ROBO1: variants seen among roughly 807,000 people sequenced by gnomAD.
The protein encoded by ROBO1 is roundabout homolog 1.
In ROBO1, 149 loss-of-function variants were observed where a neutral mutation model predicts 195.9. The ratio of observed to expected loss-of-function variants is 0.76; its 90% CI spans 0.67 to 0.87. The LOEUF (loss-of-function observed/expected upper bound fraction) is 0.87. Ranked by LOEUF, ROBO1 falls within the 40% of genes least tolerant of loss-of-function variation. The pLI is 0.00. For missense variants in ROBO1, 1,933 were observed against 2,068.3 expected (o/e 0.93, Z 1.27); for synonymous variants, 816 against 733.2 (o/e 1.11, Z -1.82).
intron 1 of ROBO1, among the ~76,000 whole-genome samples, chr3:79,665,105 G>A (rs1017158700): frequency 1.1e-4 from 16 of 151,466 alleles, no homozygotes; most frequent in Admixed American, 3.3e-4. Context: ...AAATATTTGC[G>A]GAAAATATTT....
intron 2 of ROBO1, among the ~76,000 whole-genome samples, chr3:79,152,203 T>C (rs1470858518): frequency 6.6e-6 from 1 of 151,872 alleles, no homozygotes; most frequent in Non-Finnish European, 1.5e-5. Context: ...AATAAGCAAG[T>C]AGCACAAATA....
Position 79,042,040 on chromosome 3 carries a change from T to G in ROBO1, c.172+83416A>C, listed in dbSNP as rs73848825. 5.6e-3 allele frequency among the ~76,000 whole-genome samples: 847 copies of G among 152,276 alleles called. 8 individuals are homozygous for G. Among genetic ancestry groups the G allele is most frequent in the African/African-American group, 0.02 (813 of 41,554 alleles). The stretch of plus-strand genomic sequence containing the variant: ...AGGCAACATTCAGAGCACTGAGATC[T>G]TGGAACACTTTGGATTCACCTTATA... On this transcript the variant is annotated intron_variant, in intron 3 of 30. Coordinates refer to ENST00000464233, the MANE Select transcript of ROBO1 (RefSeq NM_002941.4).
At chr3:79,278,742 G>C (rs1391902127) in intron 2 of ROBO1, among the ~76,000 whole-genome samples, 1 of 152,030 alleles carries the variant, frequency 6.6e-6, no homozygotes, top group Non-Finnish European at 1.5e-5. Flanking sequence ...AACTGCAGAA[G>C]AAAACATACG....
At chr3:79,431,557 A>T (rs2038680102) in intron 2 of ROBO1, among the ~76,000 whole-genome samples, 1 of 152,186 alleles carries the variant, frequency 6.6e-6, no homozygotes, top group African/African-American at 2.4e-5. Flanking sequence ...GGTGGAAATT[A>T]GACAGATTCA....
intron 3 of ROBO1, among the ~76,000 whole-genome samples, chr3:78,951,352 C>A (rs1010128936): frequency 3.9e-5 from 6 of 152,152 alleles, no homozygotes; most frequent in Admixed American, 3.9e-4. Context: ...TTCATAAATT[C>A]CACATTCCTA....
chr3:79,344,767 C>T (rs2109239205), intron 2 of ROBO1, among the ~76,000 whole-genome samples: 1 of 152,206 alleles, frequency 6.6e-6, no homozygotes, highest in South Asian at 2.1e-4. Flanking sequence ...CATGTCCCCA[C>T]TTAAATCTCA....
intron 2 of ROBO1, among the ~76,000 whole-genome samples, chr3:79,541,969 A>G (rs1203186248): frequency 6.6e-6 from 1 of 151,610 alleles, no homozygotes; most frequent in African/African-American, 2.4e-5. Flanking sequence ...AACCAAAACG[A>G]TGATTTTCAG....
At chr3:79,563,711 C>T (rs1271206304) in intron 2 of ROBO1, among the ~76,000 whole-genome samples, 4 of 151,990 alleles carry the variant, frequency 2.6e-5, no homozygotes, top group South Asian at 2.1e-4. Context: ...GTATCTTTCA[C>T]AGTACATCAG....
chr3:79,431,824 C>G (rs986719317), intron 2 of ROBO1, among the ~76,000 whole-genome samples: 3 of 152,010 alleles, frequency 2.0e-5, no homozygotes, highest in African/African-American at 2.4e-5. Flanking sequence ...TGTCTGAATC[C>G]TTTATAAATG....
intron 1 of ROBO1, among the ~76,000 whole-genome samples, chr3:79,722,742 C>T (rs1195453047): frequency 6.6e-6 from 1 of 152,114 alleles, no homozygotes; most frequent in East Asian, 1.9e-4. Context: ...ATTTGTATCT[C>T]CACTGTCATT....
At chr3:79,257,990 T>C (rs2082869916) in intron 2 of ROBO1, among the ~76,000 whole-genome samples, 1 of 152,124 alleles carries the variant, frequency 6.6e-6, no homozygotes, top group Non-Finnish European at 1.5e-5. Flanking sequence ...TCCAGTCTGA[T>C]ACTAGATGGT....
intron 3 of ROBO1, among the ~76,000 whole-genome samples, chr3:79,082,223 T>C (rs1006473351): frequency 3.3e-5 from 5 of 152,168 alleles, no homozygotes; most frequent in Admixed American, 2.0e-4. Context: ...TCTAACTGTA[T>C]AAACAGCAAT....
At chr3:78,940,991 ATAAC>A (rs141491968) in intron 3 of ROBO1, among the ~76,000 whole-genome samples, 1,900 of 152,342 alleles carry the variant, frequency 0.012, 10 homozygotes, top group Admixed American at 0.019. Context: ...TTTCAAAGTT[ATAAC>A]TAATACGTAT....
At chr3:78,660,249 A>G (rs1707312020) in intron 16 of ROBO1, 1 of 155,118 alleles carries the variant, frequency 6.4e-6, no homozygotes, top group East Asian at 1.9e-4. Context: ...TATCTCATCC[A>G]AGTCTGAATA....
At chr3:78,892,046 G>C (rs2036930452) in intron 4 of ROBO1, among the ~76,000 whole-genome samples, 1 of 152,152 alleles carries the variant, frequency 6.6e-6, no homozygotes, top group African/African-American at 2.4e-5. Context: ...CATTGGATTA[G>C]ATACTCCATT....
intron 2 of ROBO1, among the ~76,000 whole-genome samples, chr3:79,347,888 T>C (rs925360290): frequency 1.3e-5 from 2 of 152,174 alleles, no homozygotes; most frequent in Non-Finnish European, 2.9e-5. Context: ...TGAGCCTTAA[T>C]ACCAAATGTA....
chr3:79,699,843 AGTT>A (rs1947561813), intron 1 of ROBO1, among the ~76,000 whole-genome samples: 1 of 151,572 alleles, frequency 6.6e-6, no homozygotes, highest in Admixed American at 6.6e-5. Context: ...ATATAATTTT[AGTT>A]GTTATTTTAG....
intron 2 of ROBO1, among the ~76,000 whole-genome samples, chr3:79,549,468 A>G (rs1410824823): frequency 2.0e-5 from 3 of 152,178 alleles, no homozygotes; most frequent in African/African-American, 7.2e-5. Flanking sequence ...ACATCTATGA[A>G]TTTAACCAAC....
chr3:79,302,755 GAA>G (rs926952244), intron 2 of ROBO1, among the ~76,000 whole-genome samples: 4 of 151,784 alleles, frequency 2.6e-5, no homozygotes, highest in African/African-American at 9.7e-5. Context: ...TAACCTTTCA[GAA>G]AAAGAGAAGA....
Sources: gnomAD v4.1 joint callset for allele counts (sites outside exome capture counted in the v4.1 genomes callset) on GRCh38, gnomAD v4.1.1 for gene constraint, MANE v1.5 for transcripts, NCBI Gene and HGNC (gene_info 2026-07-23, HGNC 2026-07-21) for gene names.